Variants in CCDC88A observed in about 807,000 individuals in gnomAD.
CCDC88A encodes girdin.
Under a neutral mutation model 234.3 loss-of-function variants are expected in CCDC88A, and 54 were observed. That is an observed-to-expected ratio of 0.23 (90% CI 0.19 to 0.29). The LOEUF is 0.29. CCDC88A is among the 10% of genes least tolerant of loss of function. The pLI, the probability that CCDC88A is intolerant of heterozygous loss-of-function variation, is 1.00. For synonymous variants in CCDC88A, 753 were observed against 737.8 expected (o/e 1.02, Z -0.33); for missense variants, 1,832 against 2,123.4 (o/e 0.86, Z 2.70).
Position 55,392,270 on chromosome 2 carries a change from G to A in CCDC88A, c.165-3384C>T, listed in dbSNP as rs150259706. On this transcript the variant is annotated intron_variant, in intron 2 of 32. Coordinates refer to ENST00000436346, the MANE Select transcript of CCDC88A (RefSeq NM_001365480.1). ...ATCTTGATGTGTAGTAGGGCAAGAC[G>A]CCCTGACTAAATTGTTTTTTTCAAA... is the stretch of plus-strand genomic sequence containing the variant. 5.1e-3 allele frequency among the ~76,000 whole-genome samples: 773 copies of A among 152,184 alleles called. 10 individuals carry two copies. The highest frequency in any genetic ancestry group is 0.018 in the African/African-American group (747 of 41,524).
rs951797656 is a variant in CCDC88A at position 55,309,337 on chromosome 2, A to G, written c.4080-83T>C. 3.3e-5 allele frequency: 21 copies of G among 642,372 alleles called. No homozygotes were observed. The highest frequency in any genetic ancestry group is 4.9e-5 in the Non-Finnish European group (18 of 369,536). The allele number at this position is 642,372 out of a possible 1,614,324, so 39.8% of individuals were successfully genotyped here. A position where few individuals can be genotyped will look rare whatever the true frequency, so the allele number is the denominator to read the frequency against. The stretch of plus-strand genomic sequence containing the variant: ...TTAAATTATTTGGTGACTGTGATCT[A>G]ATGTCTCCCCAAAACATAAAAAAAT... On this transcript the variant is annotated intron_variant, in intron 23 of 32. Transcript: ENST00000436346. This position sits in a 1 kb window ranked among gnomAD's most constrained non-coding sequence, Gnocchi z 5.1.
intron 28 of CCDC88A, 152 bp downstream of exon 28, chr2:55,301,054 T>C (rs886908077): frequency 2.7e-5 from 16 of 595,266 alleles, no homozygotes; most frequent in South Asian, 2.3e-4. Flanking sequence ...AAGGGAGTAT[T>C]AGGTTTGAAG....
chr2:55,385,842 A>C (rs1675492634), intron 3 of CCDC88A, among the ~76,000 whole-genome samples: 1 of 102,128 alleles, frequency 9.8e-6, no homozygotes, highest in Admixed American at 1.4e-4. Context: ...AACAGAGTGA[A>C]ACTCCATGTC....
intron 17 of CCDC88A, among the ~76,000 whole-genome samples, chr2:55,326,307 TG>T (rs1211615812): frequency 6.6e-6 from 1 of 151,814 alleles, no homozygotes; most frequent in Non-Finnish European, 1.5e-5. Flanking sequence ...GATAAGCCAC[TG>T]TGCCTAGCCT....
At chr2:55,377,935 A>T (rs1055845344) in intron 3 of CCDC88A, among the ~76,000 whole-genome samples, 2 of 152,016 alleles carry the variant, frequency 1.3e-5, no homozygotes, top group African/African-American at 4.8e-5. Context: ...CAGACACTGA[A>T]TTTTTTTTAA....
intron 15 of CCDC88A, among the ~76,000 whole-genome samples, chr2:55,333,725 G>C (rs1440454283): frequency 6.6e-6 from 1 of 151,902 alleles, no homozygotes; most frequent in Non-Finnish European, 1.5e-5. Flanking sequence ...CTTATATGAA[G>C]TTTTTAGCCC....
intron 22 of CCDC88A, chr2:55,314,437 C>T (rs1288313409): frequency 6.6e-5 from 10 of 152,346 alleles, no homozygotes; most frequent in Admixed American, 2.0e-4. Context: ...TGGAGTTTCG[C>T]TCTTTCGCCC....
At chr2:55,307,508 A>G (rs1410339792) in intron 25 of CCDC88A, among the ~76,000 whole-genome samples, 1 of 151,866 alleles carries the variant, frequency 6.6e-6, no homozygotes, top group Non-Finnish European at 1.5e-5. Flanking sequence ...GGCATGCACC[A>G]CAACGCCCGG....
chr2:55,316,129 CAT>C lies in CCDC88A; in HGVS notation c.3747-17_3747-16del, dbSNP rs746292744. 12 of 1,131,286 alleles carry C rather than the reference CAT, an allele frequency of 1.1e-5. No individual in the cohort carries two copies. In the South Asian group the frequency reaches 2.1e-4, roughly 19 times the overall value. The allele number at this position is 1,131,286 out of a possible 1,614,324, so 70.1% of individuals were successfully genotyped here. The stretch of plus-strand genomic sequence containing the variant: ...TATGATTCAGCCTATAATTAGAAAT[CAT>C]AGAAATATAATTAGATTATCTTAAT... On this transcript the variant is annotated splice_polypyrimidine_tract_variant and intron_variant, in intron 21 of 32. Coordinates refer to ENST00000436346, the MANE Select transcript of CCDC88A (RefSeq NM_001365480.1).
At position 55,322,584 on chromosome 2, in the gene CCDC88A, C is replaced by G; in HGVS notation, c.3106G>C (p.Glu1036Gln). The change falls in exon 18 of 33, where the codon GAA becomes CAA. Residue 1036 changes from glutamate to glutamine, a missense_variant. By Grantham distance (29) the Glu-to-Gln change is conservative. This residue lies in a region of CCDC88A where 1,282 missense variants were observed against 1,543.6 expected (regional missense o/e 0.83). Coordinates refer to ENST00000436346, the MANE Select transcript of CCDC88A (RefSeq NM_001365480.1). Reference protein sequence around the residue: ...EDNKWERESQETTRELLKVKD... With the variant: ...EDNKWERESQQTTRELLKVKD... ...ACTTTCAGAAGTTCTCTAGTCGTTT[C>G]TTGACTTTCTCGCTCCCATTTGTTG... 6.2e-7 allele frequency: 1 copy of G among 1,608,088 alleles called. No individual in the cohort carries two copies. The highest frequency in any genetic ancestry group is 8.5e-7 in the Non-Finnish European group (1 of 1,175,496).
intron 23 of CCDC88A, among the ~76,000 whole-genome samples, 192 bp downstream of exon 23, chr2:55,312,242 T>C (rs569573950): frequency 6.6e-6 from 1 of 152,328 alleles, no homozygotes; most frequent in South Asian, 2.1e-4. Context: ...AGACTACTAA[T>C]TCTTTAAGAG....
At chr2:55,318,769 A>T in intron 19 of CCDC88A, 74 bp downstream of exon 19, 1 of 1,185,296 alleles carries the variant, frequency 8.4e-7, no homozygotes, top group Non-Finnish European at 1.2e-6. Context: ...CAATGTTTCC[A>T]TGTTTACCCT....
chr2:55,367,249 C>T lies in CCDC88A; in HGVS notation c.403-3216G>A, dbSNP rs542950139. Among the ~76,000 whole-genome samples the T allele has an allele frequency of 4.6e-5, 7 of 152,112 alleles. No individual in the cohort carries two copies. The South Asian group carries it at 1.2e-3, about 27-fold the overall frequency. Reference sequence around the variant, plus strand: ...AATGGTGGTTACCGAGGTCTGGTAACAAAGGGAGTCATCATTTAATGGGTA... The same window carrying T: ...AATGGTGGTTACCGAGGTCTGGTAATAAAGGGAGTCATCATTTAATGGGTA... On this transcript the variant is annotated intron_variant, in intron 5 of 32. Coordinates refer to ENST00000436346, the MANE Select transcript of CCDC88A (RefSeq NM_001365480.1).
chr2:55,302,137 T>A, intron 26 of CCDC88A, 65 bp from the exon 27 acceptor site: 1 of 1,298,938 alleles, frequency 7.7e-7, no homozygotes, highest in African/African-American at 1.5e-5. Flanking sequence ...TTCTATTTTG[T>A]AGTACAAATA....
Position 55,335,866 on chromosome 2 carries a change from A to C in CCDC88A, c.1657-702T>G, listed in dbSNP as rs1410567533. Among the ~76,000 whole-genome samples, 1 of 152,050 alleles carries C rather than the reference A, an allele frequency of 6.6e-6. No homozygotes were observed. The highest frequency in any genetic ancestry group is 1.5e-5 in the Non-Finnish European group (1 of 68,014). ...TTTTTATGGCTGGTCTGAGGACTGT[A>C]CCTGGATGATATAAACAAATAATTT... On this transcript the variant is annotated intron_variant, in intron 14 of 32. Transcript: ENST00000436346. The surrounding 1 kb of genome is among the most constrained non-coding windows in gnomAD (Gnocchi z 4.5).
At chr2:55,394,380 T>C (rs1340126006) in intron 2 of CCDC88A, 1 of 152,218 alleles carries the variant, frequency 6.6e-6, no homozygotes. Flanking sequence ...TGAATAGTGC[T>C]GTAATAAACA....
intron 31 of CCDC88A, chr2:55,293,404 A>G (rs533128513): frequency 1.3e-5 from 2 of 152,758 alleles, no homozygotes; most frequent in African/African-American, 4.8e-5. Context: ...GTAACTGACA[A>G]TAAAATAGAA....
chr2:55,400,074 A>G (rs1328946071), intron 2 of CCDC88A, among the ~76,000 whole-genome samples: 1 of 152,232 alleles, frequency 6.6e-6, no homozygotes, highest in South Asian at 2.1e-4. Flanking sequence ...AGAATTCTCT[A>G]AAGAGAAAAT....
chr2:55,408,656 G>A (rs1302634478), intron 2 of CCDC88A, among the ~76,000 whole-genome samples: 1 of 152,102 alleles, frequency 6.6e-6, no homozygotes, highest in African/African-American at 2.4e-5. Flanking sequence ...CCCTTGTTTG[G>A]CATATCATCA....
Sources: gnomAD v4.1 joint callset for allele counts (sites outside exome capture counted in the v4.1 genomes callset) on GRCh38, gnomAD v4.1.1 for gene constraint, gnomAD v4.1.1 regional missense constraint, Gnocchi (gnomAD v3.1) non-coding constraint, MANE v1.5 for transcripts, NCBI Gene and HGNC (gene_info 2026-07-23, HGNC 2026-07-21) for gene names.